The following ABCA12 variants were observed in gnomAD, a reference collection of about 807,000 sequenced individuals.
ABCA12 encodes the protein ATP binding cassette subfamily A member 12, also known as glucosylceramide transporter ABCA12.
ABCA12 carries 156 observed loss-of-function variants against 293.5 expected under a neutral mutation model. The observed-to-expected ratio is 0.53, with a 90% CI of 0.47 to 0.61. ABCA12 has a LOEUF of 0.61. ABCA12 is among the 20% of genes least tolerant of loss of function. The probability of loss-of-function intolerance (pLI) is 0.00; values close to 1 mark genes in which losing one functional copy is unlikely to be tolerated. For missense variants in ABCA12, 2,797 were observed against 3,090.2 expected, an observed-to-expected ratio of 0.91 and a Z score of 2.25; for synonymous variants, 1,063 against 1,108.0, an observed-to-expected ratio of 0.96 and a Z score of 0.81.
intron 50 of ABCA12, among the ~76,000 whole-genome samples, chr2:214,939,361 T>C (rs1279433869): frequency 6.6e-6 from 1 of 152,248 alleles, no homozygotes; most frequent in Non-Finnish European, 1.5e-5. Flanking sequence ...TTTTGGTTAC[T>C]GTAGCCTTGT....
chr2:215,111,653 A>T lies in ABCA12; in HGVS notation c.107T>A (p.Ile36Asn), dbSNP rs1395270858. Residue 36 changes from isoleucine to asparagine, a missense_variant, in exon 2 of 53, where the codon ATT becomes AAT. Transcript: ENST00000272895. Reference sequence around the variant, plus strand: ...CCGAGTAATAGCCAAAATTATGAAAATAATGACTGGCCATAAGATCAAGAC... The same window carrying T: ...CCGAGTAATAGCCAAAATTATGAAATTAATGACTGGCCATAAGATCAAGAC... ...TLVLILWPVI[I>N]FIILAITRTK... 1 of 1,613,486 alleles carries T rather than the reference A, an allele frequency of 6.2e-7. No homozygotes were observed. Among genetic ancestry groups the T allele is most frequent in the African/African-American group, 1.3e-5 (1 of 74,906 alleles).
intron 7 of ABCA12, among the ~76,000 whole-genome samples, chr2:215,040,634 C>A (rs905865439): frequency 1.3e-5 from 2 of 151,980 alleles, no homozygotes; most frequent in Admixed American, 6.6e-5. Flanking sequence ...CATGGTGAAA[C>A]CCCGTCTCTA....
At chr2:215,039,672 A>G (rs61269863) in intron 7 of ABCA12, among the ~76,000 whole-genome samples, 3,698 of 152,044 alleles carry the variant, frequency 0.024, 164 homozygotes, top group African/African-American at 0.084. Context: ...GGAGAATGGC[A>G]TGAACCCAGA....
rs921128553 is a variant in ABCA12 at position 214,947,732 on chromosome 2, G to T, written c.7105-176C>A. On this transcript the variant is annotated intron_variant, in intron 47 of 52. Transcript: ENST00000272895. ...TTTTATTTTCAAAGAATCACTTAAGGATTAATAGTTTATTTAAAGAGATTC... is the reference window on the plus strand; with the variant it reads ...TTTTATTTTCAAAGAATCACTTAAGTATTAATAGTTTATTTAAAGAGATTC... 6 of 740,134 alleles carry T rather than the reference G, an allele frequency of 8.1e-6. No individual in the cohort carries two copies. In the African/African-American group the frequency reaches 9.0e-5, roughly 11 times the overall value. The allele number at this position is 740,134 out of a possible 1,614,324, so 45.8% of individuals were successfully genotyped here.
chr2:215,063,343 C>A (rs564365343), intron 3 of ABCA12, among the ~76,000 whole-genome samples: 182 of 152,000 alleles, frequency 1.2e-3, no homozygotes, highest in Non-Finnish European at 1.4e-3. Context: ...GAGAGATACT[C>A]AAAAAATATC....
At chr2:215,000,399 G>C (rs1016534192) in intron 22 of ABCA12, among the ~76,000 whole-genome samples, 1 of 152,078 alleles carries the variant, frequency 6.6e-6, no homozygotes, top group Non-Finnish European at 1.5e-5. Flanking sequence ...AGACAGTGGG[G>C]AACATCAAAA....
chr2:215,087,846 T>A (rs1206429899), intron 2 of ABCA12, among the ~76,000 whole-genome samples: 1 of 152,216 alleles, frequency 6.6e-6, no homozygotes, highest in Non-Finnish European at 1.5e-5. Flanking sequence ...AAAAGCCCCA[T>A]GATAATGCAA....
Position 214,944,976 on chromosome 2 carries a change from G to A in ABCA12, c.7343+25C>T, listed in dbSNP as rs115727011. The stretch of plus-strand genomic sequence containing the variant: ...TGTCATCCTAAGACTGTGTGGATTC[G>A]CTTTAAAGATTCCACTCAGTTTACC... On this transcript the variant is annotated intron_variant, in intron 49 of 52. Coordinates refer to ENST00000272895, the MANE Select transcript of ABCA12 (RefSeq NM_173076.3). 1,016 of 1,589,944 alleles carry A rather than the reference G, an allele frequency of 6.4e-4. 2 individuals carry two copies. Among genetic ancestry groups the A allele is most frequent in the Middle Eastern group, 2.3e-3 (13 of 5,706 alleles).
chr2:215,136,525 A>G lies in ABCA12; in HGVS notation c.69+1615T>C, dbSNP rs139516569. ...AAAAGAAACAGACCTCAGCATTCAG[A>G]TTATTGACAATAACACGTACAGATT... is the stretch of plus-strand genomic sequence containing the variant. On this transcript the variant is annotated intron_variant, in intron 1 of 52. Transcript: ENST00000272895. Among the ~76,000 whole-genome samples, 143 of 152,122 alleles carry G rather than the reference A, an allele frequency of 9.4e-4. 1 individual carries two copies. In the East Asian group the frequency reaches 0.027, roughly 29 times the overall value.
chr2:215,059,960 A>G (rs1016537994), intron 3 of ABCA12, among the ~76,000 whole-genome samples: 1 of 151,846 alleles, frequency 6.6e-6, no homozygotes, highest in African/African-American at 2.4e-5. Flanking sequence ...TCTGGTAACC[A>G]CCACCCTATC....
chr2:215,107,595 G>A (rs190560436), intron 2 of ABCA12, among the ~76,000 whole-genome samples: 55 of 152,296 alleles, frequency 3.6e-4, no homozygotes, highest in Middle Eastern at 3.4e-3. Context: ...TATGTTATCT[G>A]GACCAGCACC....
At position 215,054,679 on chromosome 2, in the gene ABCA12, G is replaced by C. The variant is rs1559169575; in HGVS notation, c.318-15C>G. 6.3e-7 allele frequency: 1 copy of C among 1,590,794 alleles called. No individual in the cohort carries two copies. On this transcript the variant is annotated splice_polypyrimidine_tract_variant and intron_variant, in intron 3 of 52. Coordinates refer to ENST00000272895, the MANE Select transcript of ABCA12 (RefSeq NM_173076.3). Reference sequence around the variant, plus strand: ...TCAGAATCTCACTAGAGAAGAAAAAGCAAGAACTCTGTAACTTCTCCCACA... The same window carrying C: ...TCAGAATCTCACTAGAGAAGAAAAACCAAGAACTCTGTAACTTCTCCCACA...
intron 26 of ABCA12, 118 bp downstream of exon 26, chr2:214,989,211 A>ATATATATATATATATATATATAG (rs1699859601): frequency 2.4e-5 from 1 of 41,036 alleles, no homozygotes; most frequent in Admixed American, 4.7e-4. Flanking sequence ...TATATATATA[A>ATATATATATATATATATATATAG]TATTTTTATT....
At chr2:215,037,151 C>A (rs1701011631) in intron 7 of ABCA12, 86 bp from the exon 8 acceptor site, 1 of 991,126 alleles carries the variant, frequency 1.0e-6, no homozygotes, top group African/African-American at 1.6e-5. Flanking sequence ...AAAATGGCTA[C>A]AGTATAAATT....
At chr2:214,979,101 C>G in intron 31 of ABCA12, 61 bp from the exon 32 acceptor site, 1 of 1,469,210 alleles carries the variant, frequency 6.8e-7, no homozygotes, top group Non-Finnish European at 9.5e-7. Context: ...TGCTCCAGGC[C>G]CTAATCAGAG....
chr2:215,079,511 G>A (rs1050660171), intron 2 of ABCA12, among the ~76,000 whole-genome samples: 1 of 152,236 alleles, frequency 6.6e-6, no homozygotes, highest in Non-Finnish European at 1.5e-5. Context: ...TCAAACATCA[G>A]AACTGGTATA....
At chr2:215,039,408 G>C (rs1046374840) in intron 7 of ABCA12, among the ~76,000 whole-genome samples, 6 of 152,076 alleles carry the variant, frequency 3.9e-5, no homozygotes, top group Admixed American at 3.9e-4. Context: ...ATAAACAGCT[G>C]ACTTTAAAAA....
chr2:214,975,761 T>C, intron 34 of ABCA12, 24 bp downstream of exon 34: 1 of 1,613,912 alleles, frequency 6.2e-7, no homozygotes, highest in Non-Finnish European at 8.5e-7. Context: ...GAAACATTCT[T>C]TTAGTTAACA....
At chr2:215,069,190 TA>T (rs11317098) in intron 2 of ABCA12, among the ~76,000 whole-genome samples, 96,742 of 149,854 alleles carry the variant, frequency 0.65, 31,239 homozygotes, top group South Asian at 0.71. Flanking sequence ...TTCTGACTTT[TA>T]AAAAAAAAAA....
Sources: gnomAD v4.1 joint callset for allele counts (sites outside exome capture counted in the v4.1 genomes callset) on GRCh38, gnomAD v4.1.1 for gene constraint, MANE v1.5 for transcripts, NCBI Gene and HGNC (gene_info 2026-07-23, HGNC 2026-07-21) for gene names.